The following ULK4 variants were observed in gnomAD, a reference collection of about 807,000 sequenced individuals.
ULK4 encodes unc-51 like kinase 4.
In ULK4, 133 loss-of-function variants were observed where a neutral mutation model predicts 160.6. That is an observed-to-expected ratio of 0.83 (90% CI 0.72 to 0.96). ULK4 has a LOEUF of 0.96. Among genes scored for constraint, ULK4 ranks in the 40% least tolerant of loss-of-function variants. ULK4 has a pLI of 0.00. For missense variants in ULK4, 1,580 were observed against 1,499.5 expected, an observed-to-expected ratio of 1.05 and a Z score of -0.89; for synonymous variants, 534 against 539.8, an observed-to-expected ratio of 0.99 and a Z score of 0.15.
intron 35 of ULK4, among the ~76,000 whole-genome samples, chr3:41,384,615 C>T (rs1001409173): frequency 1.3e-5 from 2 of 152,064 alleles, no homozygotes; most frequent in African/African-American, 2.4e-5. Flanking sequence ...GACAGAGTCT[C>T]GTTCTATCAC....
At chr3:41,604,562 C>T (rs1285284119) in intron 31 of ULK4, among the ~76,000 whole-genome samples, 1 of 152,028 alleles carries the variant, frequency 6.6e-6, no homozygotes, top group Non-Finnish European at 1.5e-5. Flanking sequence ...TATCTGGGCC[C>T]TACATATTCA....
intron 21 of ULK4, among the ~76,000 whole-genome samples, chr3:41,783,029 CA>C (rs78538200): frequency 0.022 from 2,529 of 115,310 alleles, 38 homozygotes; most frequent in African/African-American, 0.056. Context: ...CAATTTCTAC[CA>C]AAAAAAAAAA....
chr3:41,531,747 G>A (rs965232211), intron 32 of ULK4, among the ~76,000 whole-genome samples: 1 of 152,132 alleles, frequency 6.6e-6, no homozygotes, highest in African/African-American at 2.4e-5. Context: ...GAGTCAAATA[G>A]AGTAGAAATT....
chr3:41,802,105 A>G (rs2040479570), intron 19 of ULK4, among the ~76,000 whole-genome samples: 2 of 152,284 alleles, frequency 1.3e-5, no homozygotes, highest in Middle Eastern at 3.4e-3. Context: ...CTGAAATGCA[A>G]AAGTTGAGAA....
intron 22 of ULK4, among the ~76,000 whole-genome samples, chr3:41,724,679 C>A (rs2037588444): frequency 6.6e-6 from 1 of 152,052 alleles, no homozygotes; most frequent in African/African-American, 2.4e-5. Context: ...GCCAAGATTG[C>A]ACCACTGCAC....
At chr3:41,827,805 C>T (rs1158220775) in intron 18 of ULK4, among the ~76,000 whole-genome samples, 1 of 151,894 alleles carries the variant, frequency 6.6e-6, no homozygotes, top group Admixed American at 6.6e-5. Flanking sequence ...TTTATGAGGC[C>T]AGCATCATCC....
At chr3:41,938,808 C>T (rs1163290043) in intron 2 of ULK4, among the ~76,000 whole-genome samples, 3 of 152,224 alleles carry the variant, frequency 2.0e-5, no homozygotes, top group Admixed American at 1.3e-4. Context: ...ACATAGCTAC[C>T]GTTATTGGTG....
At chr3:41,277,043 T>C (rs1406616047) in intron 35 of ULK4, among the ~76,000 whole-genome samples, 2 of 152,064 alleles carry the variant, frequency 1.3e-5, no homozygotes, top group Non-Finnish European at 2.9e-5. Flanking sequence ...ACAACCCTCT[T>C]GAATCAGGAA....
rs534327999 is a variant in ULK4 at position 41,806,549 on chromosome 3, C to T, written c.1849-6256G>A. ...TAGCTTTTGAATGCGTTTGCTCTTGCTTTTCTAGTTCTTTTAATTGTGATG... is the reference window on the plus strand; with the variant it reads ...TAGCTTTTGAATGCGTTTGCTCTTGTTTTTCTAGTTCTTTTAATTGTGATG... On this transcript the variant is annotated intron_variant, in intron 19 of 36. Transcript: ENST00000301831. 1.6e-3 allele frequency among the ~76,000 whole-genome samples: 245 copies of T among 152,176 alleles called. 1 individual carries two copies. Among genetic ancestry groups the T allele is most frequent in the African/African-American group, 5.8e-3 (240 of 41,496 alleles).
chr3:41,622,787 CTAAA>C (rs1183160970), intron 30 of ULK4, among the ~76,000 whole-genome samples: 1 of 152,172 alleles, frequency 6.6e-6, no homozygotes, highest in African/African-American at 2.4e-5. Context: ...ATTTGAATCT[CTAAA>C]TACTCTTTTA....
chr3:41,744,583 G>A (rs1348063156), intron 22 of ULK4, among the ~76,000 whole-genome samples: 1 of 151,852 alleles, frequency 6.6e-6, no homozygotes, highest in African/African-American at 2.4e-5. Flanking sequence ...TGTTAGAGGT[G>A]AAAAGAGAAA....
chr3:41,924,269 T>G (rs1575958697), intron 5 of ULK4, among the ~76,000 whole-genome samples: 1 of 152,312 alleles, frequency 6.6e-6, no homozygotes, highest in South Asian at 2.1e-4. Context: ...ACTTAGACAG[T>G]GAATTCTCAA....
rs573494122 is a variant in ULK4 at position 41,836,034 on chromosome 3, T to C, written c.1657-63A>G. 3 of 1,170,192 alleles carry C rather than the reference T, an allele frequency of 2.6e-6. No individual in the cohort carries two copies. The South Asian group carries it at 4.2e-5, about 16-fold the overall frequency. The allele number at this position is 1,170,192 out of a possible 1,614,324, so 72.5% of individuals were successfully genotyped here. On this transcript the variant is annotated intron_variant, in intron 17 of 36. Transcript: ENST00000301831. Reference sequence around the variant, plus strand: ...ATGTATCTCTCAGTTCTTAAACCTATATGTAAAAAGCAGGATACCCTGTAA... The same window carrying C: ...ATGTATCTCTCAGTTCTTAAACCTACATGTAAAAAGCAGGATACCCTGTAA...
At chr3:41,554,168 C>CT (rs1255812084) in intron 32 of ULK4, among the ~76,000 whole-genome samples, 2 of 152,112 alleles carry the variant, frequency 1.3e-5, no homozygotes, top group African/African-American at 4.8e-5. Context: ...AGCAATCCCA[C>CT]TACTGGGTAT....
intron 32 of ULK4, among the ~76,000 whole-genome samples, chr3:41,562,940 A>G (rs145489863): frequency 2.0e-5 from 3 of 152,290 alleles, no homozygotes; most frequent in Admixed American, 2.0e-4. Flanking sequence ...TAATTGATGT[A>G]ATTTCTTCAT....
chr3:41,282,447 C>T (rs2079376210), intron 35 of ULK4, among the ~76,000 whole-genome samples: 1 of 152,158 alleles, frequency 6.6e-6, no homozygotes. Context: ...GGTACCAAAA[C>T]AGAGATATAG....
chr3:41,943,905 AATT>A (rs1700037422), intron 2 of ULK4, among the ~76,000 whole-genome samples: 1 of 152,204 alleles, frequency 6.6e-6, no homozygotes, highest in African/African-American at 2.4e-5. Flanking sequence ...AACATGCTGA[AATT>A]ATTATCCTTA....
chr3:41,646,638 T>C (rs925210750), intron 30 of ULK4, among the ~76,000 whole-genome samples: 1 of 152,206 alleles, frequency 6.6e-6, no homozygotes, highest in Non-Finnish European at 1.5e-5. Context: ...TTTTCCTTCA[T>C]TTCAACTATG....
At chr3:41,544,153 C>T (rs1419029915) in intron 32 of ULK4, among the ~76,000 whole-genome samples, 3 of 152,014 alleles carry the variant, frequency 2.0e-5, no homozygotes, top group Admixed American at 6.6e-5. Flanking sequence ...TGTGTCAACA[C>T]TGGAAATCAG....
Sources: gnomAD v4.1 joint callset for allele counts (sites outside exome capture counted in the v4.1 genomes callset) on GRCh38, gnomAD v4.1.1 for gene constraint, MANE v1.5 for transcripts, NCBI Gene and HGNC (gene_info 2026-07-23, HGNC 2026-07-21) for gene names.